DYNC1H1: variants seen among roughly 807,000 people sequenced by gnomAD.
DYNC1H1 encodes the protein dynein cytoplasmic 1 heavy chain 1.
A neutral mutation model predicts 527.1 loss-of-function variants in DYNC1H1; 51 were observed. The observed-to-expected ratio is 0.10, with a 90% confidence interval of 0.08 to 0.12. The LOEUF (loss-of-function observed/expected upper bound fraction) is 0.12, where lower values mean the gene tolerates loss of function less well. Among genes scored for constraint, DYNC1H1 ranks in the 10% least tolerant of loss-of-function variants. DYNC1H1 has a pLI of 1.00. For synonymous variants in DYNC1H1, 2,189 were observed against 2,278.8 expected (o/e 0.96, Z 1.12); for missense variants, 2,771 against 5,971.8 (o/e 0.46, Z 17.66).
rs2048690786 is a variant in DYNC1H1 at position 102,044,446 on chromosome 14, G to A, written c.12857G>A (p.Cys4286Tyr). 3.1e-6 allele frequency: 5 copies of A among 1,614,098 alleles called. No individual in the cohort carries two copies. The highest frequency in any genetic ancestry group is 4.2e-6 in the Non-Finnish European group (5 of 1,180,050). ...TTCGACAGTGAGTTTAAGCTGGCAT[G>A]CAAGGTCGACGGACATAAAGACATT... The part of the protein sequence containing the change: ...RSFDSEFKLA[C>Y]KVDGHKDIQM... The change falls in exon 71 of 78, where the codon TGC becomes TAC. Residue 4286 changes from cysteine (C) to tyrosine (Y), a missense_variant. By Grantham distance (194) the Cys-to-Tyr change is radical. Coordinates refer to ENST00000360184, the MANE Select transcript of DYNC1H1 (RefSeq NM_001376.5). The surrounding 1 kb of genome is among the most constrained non-coding windows in gnomAD (Gnocchi z 7.1).
chr14:101,974,312 T>C (rs1566994604), intron 1 of DYNC1H1, among the ~76,000 whole-genome samples: 1 of 152,142 alleles, frequency 6.6e-6, no homozygotes, highest in Non-Finnish European at 1.5e-5. Flanking sequence ...TTTGTCAGGC[T>C]GGTCTCGAAC....
chr14:102,019,521 G>T (rs565163853), intron 41 of DYNC1H1, among the ~76,000 whole-genome samples: 1 of 152,302 alleles, frequency 6.6e-6, no homozygotes, highest in East Asian at 1.9e-4. Flanking sequence ...TATTTAAATC[G>T]TTAAATATAA....
chr14:102,018,023 GTGAACCT>G lies in DYNC1H1; in HGVS notation c.8178-427_8178-421del, dbSNP rs2048345122. 3.9e-6 allele frequency: 1 copy of G among 259,170 alleles called. No homozygotes were observed. Among genetic ancestry groups the G allele is most frequent in the Admixed American group, 5.1e-5 (1 of 19,548 alleles). 16.1% of individuals were successfully genotyped at this position (259,170 alleles called of 1,614,324 possible). On this transcript the variant is annotated intron_variant, in intron 40 of 77. Coordinates refer to ENST00000360184, the MANE Select transcript of DYNC1H1 (RefSeq NM_001376.5). The surrounding 1 kb of genome is among the most constrained non-coding windows in gnomAD (Gnocchi z 5.2). ...TGGGAGGCTGAGGCAGCAGAATGGTGTGAACCTGGGAGGTGGAGCTTGCAGTGAGCTG... is the reference window on the plus strand; with the variant it reads ...TGGGAGGCTGAGGCAGCAGAATGGTGGGGAGGTGGAGCTTGCAGTGAGCTG...
intron 12 of DYNC1H1, 54 bp from the exon 13 acceptor site, chr14:101,994,619 T>C: frequency 6.2e-7 from 1 of 1,603,924 alleles, no homozygotes; most frequent in Non-Finnish European, 8.5e-7. Flanking sequence ...GAGGTGCCAG[T>C]ATTCTACAAA....
At chr14:102,043,191 G>A (rs564578778) in intron 69 of DYNC1H1, 6 of 295,804 alleles carry the variant, frequency 2.0e-5, no homozygotes, top group Non-Finnish European at 3.3e-5. Context: ...GCTGAGGCAG[G>A]AGAATCGCTT....
chr14:102,014,821 A>G (rs1425104762), intron 34 of DYNC1H1, among the ~76,000 whole-genome samples: 2 of 152,096 alleles, frequency 1.3e-5, no homozygotes, highest in Non-Finnish European at 2.9e-5. Flanking sequence ...ACATAAGTGC[A>G]GAAAAAATTT....
chr14:102,032,914 A>T lies in DYNC1H1; in HGVS notation c.10080-151A>T, dbSNP rs950229860. 8 of 768,704 alleles carry T rather than the reference A, an allele frequency of 1.0e-5. No homozygotes were observed. The East Asian group carries it at 2.0e-4, about 19-fold the overall frequency. 47.6% of individuals were successfully genotyped at this position (768,704 alleles called of 1,614,324 possible). A position where few individuals can be genotyped will look rare whatever the true frequency, so the allele number is the denominator to read the frequency against. ...TGAGCACATTTTCAGCTTTCACCTG[A>T]GAACCAAGGGTCAGTCTAGCTCATC... On this transcript the variant is annotated intron_variant, in intron 52 of 77. Transcript: ENST00000360184.
chr14:101,965,035 G>A lies in DYNC1H1; in HGVS notation c.256+88G>A. 1.4e-6 allele frequency: 2 copies of A among 1,390,416 alleles called. No individual in the cohort carries two copies. Among genetic ancestry groups the A allele is most frequent in the Non-Finnish European group, 1.9e-6 (2 of 1,028,364 alleles). The allele number at this position is 1,390,416 out of a possible 1,614,324, so 86.1% of individuals were successfully genotyped here. A position where few individuals can be genotyped will look rare whatever the true frequency, so the allele number is the denominator to read the frequency against. On this transcript the variant is annotated intron_variant, in intron 1 of 77. Transcript: ENST00000360184. This position sits in a 1 kb window ranked among gnomAD's most constrained non-coding sequence, Gnocchi z 4.1. ...GTCCTCCGGGGTCGCAGATGTCCCC[G>A]GGATGGGAGGAGCCCGGCAGCTGCA... is the stretch of plus-strand genomic sequence containing the variant.
At chr14:101,977,852 A>G (rs2047819287) in intron 2 of DYNC1H1, among the ~76,000 whole-genome samples, 1 of 152,228 alleles carries the variant, frequency 6.6e-6, no homozygotes, top group Non-Finnish European at 1.5e-5. Flanking sequence ...TACATCAGAA[A>G]GTTTCATTGA....
In DYNC1H1 at chr14:102,011,148, A is replaced by T; in HGVS notation, c.6618+196A>T. The T allele has an allele frequency of 1.5e-6, 1 of 656,744 alleles. No homozygotes were observed. The allele number at this position is 656,744 out of a possible 1,614,324, so 40.7% of individuals were successfully genotyped here. On this transcript the variant is annotated intron_variant, in intron 32 of 77. Coordinates refer to ENST00000360184, the MANE Select transcript of DYNC1H1 (RefSeq NM_001376.5). The surrounding 1 kb of genome is among the most constrained non-coding windows in gnomAD (Gnocchi z 5.3). Reference sequence around the variant, plus strand: ...TTAAATGAAGAGGAAACAATACTTAACCTGAAAATTTTACATGATACAGTT... The same window carrying T: ...TTAAATGAAGAGGAAACAATACTTATCCTGAAAATTTTACATGATACAGTT...
chr14:102,048,251 GACAGCGCC>G, intron 73 of DYNC1H1: 1 of 727,446 alleles, frequency 1.4e-6, no homozygotes, highest in East Asian at 2.7e-5. Context: ...GAGATAGGCA[GACAGCGCC>G]ACAGCGAGCA....
Position 102,012,629 on chromosome 14 carries a change from T to C in DYNC1H1, c.7014+159T>C, listed in dbSNP as rs2048271024. ...AAAGATAGCATCTCAACTGCTAGAT[T>C]TTTTTTCCATTTCCATGGCTAGTGA... On this transcript the variant is annotated intron_variant, in intron 34 of 77. Coordinates refer to ENST00000360184, the MANE Select transcript of DYNC1H1 (RefSeq NM_001376.5). This position sits in a 1 kb window ranked among gnomAD's most constrained non-coding sequence, Gnocchi z 4.9. 1 of 1,000,106 alleles carries C rather than the reference T, an allele frequency of 1.0e-6. No individual in the cohort carries two copies. Among genetic ancestry groups the C allele is most frequent in the Admixed American group, 2.0e-5 (1 of 51,032 alleles). The allele number at this position is 1,000,106 out of a possible 1,614,324, so 62.0% of individuals were successfully genotyped here.
In DYNC1H1 at chr14:101,979,421, G is replaced by A. The variant is rs1473938796; in HGVS notation, c.447G>A (p.Leu149=). The change falls in exon 3 of 78, where the codon TTG becomes TTA. Residue 149 remains leucine, a synonymous_variant. Transcript: ENST00000360184. This position sits in a 1 kb window ranked among gnomAD's most constrained non-coding sequence, Gnocchi z 4.6. ...GTGAAGACTCGCCCTACGAAACTTTGCATTCTTTCATTAGCAATGCAGTGG... is the reference window on the plus strand; with the variant it reads ...GTGAAGACTCGCCCTACGAAACTTTACATTCTTTCATTAGCAATGCAGTGG... ...TLSEDSPYET[L]HSFISNAVAP... The A allele has an allele frequency of 6.2e-7, 1 of 1,614,090 alleles. No homozygotes were observed.
At chr14:102,043,479 T>C (rs1020670337) in intron 69 of DYNC1H1, 2 of 329,262 alleles carry the variant, frequency 6.1e-6, no homozygotes, top group Non-Finnish European at 1.2e-5. Flanking sequence ...CAATCTCCTC[T>C]CCCCCAGCAC....
At chr14:102,022,923 A>T in intron 43 of DYNC1H1, 43 bp downstream of exon 43, 1 of 1,613,702 alleles carries the variant, frequency 6.2e-7, no homozygotes, top group South Asian at 1.1e-5. Flanking sequence ...TTTTTCTGCC[A>T]TCCCTTTCTA....
chr14:102,040,923 A>T, intron 64 of DYNC1H1: 1 of 555,602 alleles, frequency 1.8e-6, no homozygotes, highest in Non-Finnish European at 3.2e-6. Flanking sequence ...GCACCACTGC[A>T]CTCCAGCCTG....
chr14:102,036,040 G>A lies in DYNC1H1; in HGVS notation c.10755-449G>A, dbSNP rs17512755. 253 of 210,312 alleles carry A rather than the reference G, an allele frequency of 1.2e-3. 1 individual carries two copies. The highest frequency in any genetic ancestry group is 5.6e-3 in the African/African-American group (242 of 43,364). The allele number at this position is 210,312 out of a possible 1,614,324, so 13.0% of individuals were successfully genotyped here. On this transcript the variant is annotated intron_variant, in intron 56 of 77. Coordinates refer to ENST00000360184, the MANE Select transcript of DYNC1H1 (RefSeq NM_001376.5). This position sits in a 1 kb window ranked among gnomAD's most constrained non-coding sequence, Gnocchi z 5.6. ...TCGATAACAGTGTCAGCCTCATAGG[G>A]CTGTTATGAGGATTACGTGACGTAG... is the stretch of plus-strand genomic sequence containing the variant.
chr14:102,013,729 TCCGTCTGGCTG>T (rs1271721242), intron 34 of DYNC1H1, among the ~76,000 whole-genome samples: 1 of 152,092 alleles, frequency 6.6e-6, no homozygotes, highest in Non-Finnish European at 1.5e-5. Flanking sequence ...TCCATGAAGA[TCCGTCTGGCTG>T]CCGTTTGGAG....
intron 2 of DYNC1H1, among the ~76,000 whole-genome samples, chr14:101,977,354 G>A (rs1410468320): frequency 1.3e-5 from 2 of 152,146 alleles, no homozygotes; most frequent in Non-Finnish European, 2.9e-5. Context: ...TGCGTGAATA[G>A]TATATAGAAC....
Sources: gnomAD v4.1 joint callset for allele counts (sites outside exome capture counted in the v4.1 genomes callset) on GRCh38, gnomAD v4.1.1 for gene constraint, Gnocchi (gnomAD v3.1) non-coding constraint, MANE v1.5 for transcripts, NCBI Gene and HGNC (gene_info 2026-07-23, HGNC 2026-07-21) for gene names.